RGMB: variants seen among roughly 807,000 people sequenced by gnomAD.
RGMB encodes the protein repulsive guidance molecule B.
In RGMB, 16 loss-of-function variants were observed where a neutral mutation model predicts 26.9. That is an observed-to-expected ratio of 0.60 (90% confidence interval 0.40 to 0.90). RGMB has a LOEUF of 0.90. Among genes scored for constraint, RGMB ranks in the 40% least tolerant of loss-of-function variants. The pLI, the probability that RGMB is intolerant of heterozygous loss-of-function variation, is 0.00. For missense variants in RGMB, 512 were observed against 573.3 expected, an observed-to-expected ratio of 0.89 and a Z score of 1.09; for synonymous variants, 225 against 229.3, an observed-to-expected ratio of 0.98 and a Z score of 0.17.
intron 2 of RGMB, among the ~76,000 whole-genome samples, chr5:98,789,164 A>G (rs888048958): frequency 6.6e-6 from 1 of 152,218 alleles, no homozygotes; most frequent in Non-Finnish European, 1.5e-5. Flanking sequence ...GTGCCTCTTC[A>G]GTTTAGTTTA....
chr5:98,781,125 C>G (rs541550771), intron 2 of RGMB: 4 of 152,318 alleles, frequency 2.6e-5, no homozygotes, highest in Admixed American at 2.6e-4. Flanking sequence ...AGGACACCCT[C>G]CCCTGTGTCT....
intron 1 of RGMB, 109 bp from the exon 2 acceptor site, chr5:98,779,470 CA>C: frequency 9.6e-7 from 1 of 1,045,510 alleles, no homozygotes; most frequent in Non-Finnish European, 1.3e-6. Context: ...AATAGGAGTA[CA>C]GTGTATAAAA....
chr5:98,769,716 C>G (rs1390538635), upstream of RGMB: 1 of 152,664 alleles, frequency 6.6e-6, no homozygotes, highest in Non-Finnish European at 1.5e-5. Context: ...TTGTTTAGGT[C>G]TCCATCCACC....
At chr5:98,773,002 C>G (rs879626826), upstream of RGMB, 2 of 152,246 alleles carry the variant, frequency 1.3e-5, no homozygotes, top group Non-Finnish European at 2.9e-5. Context: ...ATTCCGGCGG[C>G]AGTTCGCGGG....
intron 2 of RGMB, among the ~76,000 whole-genome samples, chr5:98,787,254 G>A (rs1211711873): frequency 6.6e-6 from 1 of 152,198 alleles, no homozygotes; most frequent in Non-Finnish European, 1.5e-5. Flanking sequence ...AGTGTATTGT[G>A]AAGATCTTCA....
chr5:98,783,311 A>G (rs1354859881), intron 2 of RGMB, among the ~76,000 whole-genome samples: 1 of 152,162 alleles, frequency 6.6e-6, no homozygotes, highest in Non-Finnish European at 1.5e-5. Flanking sequence ...TGACATCCAC[A>G]TCAGCTCTGG....
intron 2 of RGMB, among the ~76,000 whole-genome samples, chr5:98,786,882 A>G (rs1287541366): frequency 6.6e-6 from 1 of 152,178 alleles, no homozygotes; most frequent in East Asian, 1.9e-4. Flanking sequence ...TTTATGCCCC[A>G]GTTAACTGTT....
intron 2 of RGMB, among the ~76,000 whole-genome samples, chr5:98,790,487 G>A (rs1302070699): frequency 6.6e-6 from 1 of 152,218 alleles, no homozygotes; most frequent in Admixed American, 6.5e-5. Flanking sequence ...TAGATAGGTA[G>A]GAGTTATTGT....
intron 2 of RGMB, among the ~76,000 whole-genome samples, chr5:98,783,769 G>A (rs1746683394): frequency 6.6e-6 from 1 of 152,142 alleles, no homozygotes; most frequent in South Asian, 2.1e-4. Context: ...AGTCTCCAGG[G>A]AATTCAAAAG....
intron 1 of RGMB, among the ~76,000 whole-genome samples, chr5:98,777,273 T>C (rs1372757636): frequency 6.6e-6 from 1 of 152,216 alleles, no homozygotes. Context: ...ATAGATTTTA[T>C]AGACCATAAA....
Position 98,776,680 on chromosome 5 carries a change from A to G in RGMB, c.136+2474A>G, listed in dbSNP as rs953736202. On this transcript the variant is annotated intron_variant, in intron 1 of 2. Transcript: ENST00000513185. Reference sequence around the variant, plus strand: ...TTTCTATTTAGCCCTCTTCGCTCCCATCATCTCTGTAGCAGAAGGCTGTTG... The same window carrying G: ...TTTCTATTTAGCCCTCTTCGCTCCCGTCATCTCTGTAGCAGAAGGCTGTTG... 5.3e-5 allele frequency among the ~76,000 whole-genome samples: 8 copies of G among 152,208 alleles called. No individual in the cohort carries two copies. In the East Asian group the frequency reaches 1.5e-3, roughly 29 times the overall value.
upstream of RGMB, chr5:98,770,802 A>G (rs1432218439): frequency 2.1e-6 from 1 of 467,914 alleles, no homozygotes; most frequent in Non-Finnish European, 3.5e-6. Context: ...TCTTGCTCTG[A>G]AAAAAAAAAT....
At chr5:98,780,818 C>T (rs141903496) in intron 2 of RGMB, 1 of 152,302 alleles carries the variant, frequency 6.6e-6, no homozygotes, top group African/African-American at 2.4e-5. Context: ...ATCTTTGACA[C>T]CAACTTCAAG....
chr5:98,779,827 C>T lies in RGMB; in HGVS notation c.384C>T (p.Ser128=). The part of the protein sequence containing the change: ...QRNCSKDGPT[S]STNPEVTHDP... ...ATTGTTCCAAGGATGGACCCACATC[C>T]TCTACCAACCCCGAAGTGACCCATG... Residue 128 remains serine, a synonymous_variant, in exon 2 of 3, where the codon TCC becomes TCT. Transcript: ENST00000513185. The T allele has an allele frequency of 6.2e-7, 1 of 1,614,054 alleles. No homozygotes were observed. The highest frequency in any genetic ancestry group is 8.5e-7 in the Non-Finnish European group (1 of 1,179,900).
Position 98,794,896 on chromosome 5 carries a change from CA to C in RGMB, c.*1145del, listed in dbSNP as rs772203054. The C allele has an allele frequency of 6.6e-5, 10 of 152,240 alleles. No individual in the cohort carries two copies. The highest frequency in any genetic ancestry group is 1.2e-4 in the Non-Finnish European group (8 of 68,052). The allele number at this position is 152,240 out of a possible 1,614,324, so 9.4% of individuals were successfully genotyped here. On this transcript the variant is annotated 3_prime_UTR_variant, in exon 3 of 3. Transcript: ENST00000513185. ...TGCAAAGTGGAACAGAGTTGGGCGG[CA>C]ATGACAGAAGAGCTTCCTTGGCCTG...
intron 1 of RGMB, among the ~76,000 whole-genome samples, chr5:98,776,357 T>C (rs1356061946): frequency 1.3e-5 from 2 of 152,192 alleles, no homozygotes; most frequent in East Asian, 3.8e-4. Context: ...GTACCTTTAG[T>C]TGCTTTATTT....
At chr5:98,774,267 C>T in intron 1 of RGMB, 61 bp downstream of exon 1, 1 of 1,332,964 alleles carries the variant, frequency 7.5e-7, no homozygotes, top group South Asian at 1.8e-5. Context: ...TCCCAAATAG[C>T]CCCAGGTCTC....
intron 1 of RGMB, among the ~76,000 whole-genome samples, chr5:98,779,084 T>G (rs1468940897): frequency 6.6e-6 from 1 of 152,120 alleles, no homozygotes; most frequent in African/African-American, 2.4e-5. Flanking sequence ...TAACTAATTA[T>G]ACTATAATTT....
At chr5:98,773,217 A>G (rs1420052066), upstream of RGMB, 2 of 151,146 alleles carry the variant, frequency 1.3e-5, no homozygotes, top group Non-Finnish European at 2.9e-5. Context: ...TGGCAGGGCC[A>G]GGGCAGGGAG....
Sources: allele counts gnomAD v4.1 joint callset (sites outside exome capture counted in the v4.1 genomes callset), GRCh38; gene constraint gnomAD v4.1.1; transcripts MANE v1.5; gene names NCBI Gene and HGNC (gene_info 2026-07-23, HGNC 2026-07-21).